The following KDM4B variants were observed in gnomAD, a reference collection of about 807,000 sequenced individuals.
KDM4B encodes lysine demethylase 4B, also known as lysine-specific demethylase 4B.
In KDM4B, 32 loss-of-function variants were observed where a neutral mutation model predicts 125.2. The observed-to-expected ratio is 0.26, with a 90% CI of 0.19 to 0.34. The LOEUF (loss-of-function observed/expected upper bound fraction) is 0.34, where lower values mean the gene tolerates loss of function less well. KDM4B is among the 10% of genes least tolerant of loss of function. The pLI, the probability that KDM4B is intolerant of heterozygous loss-of-function variation, is 1.00. For synonymous variants in KDM4B, 721 were observed against 677.9 expected (o/e 1.06, Z -0.99); for missense variants, 1,190 against 1,577.7 (o/e 0.75, Z 4.16).
At chr19:5,131,857 G>A (rs756619364) in intron 12 of KDM4B, 30 bp from the exon 13 acceptor site, 21 of 1,612,546 alleles carry the variant, frequency 1.3e-5, no homozygotes, top group Non-Finnish European at 1.7e-5. Context: ...CTGTAGCGGG[G>A]CCCTCACTAC....
chr19:5,132,039 C>T, intron 13 of KDM4B, 32 bp downstream of exon 13: 1 of 1,569,306 alleles, frequency 6.4e-7, no homozygotes, highest in Non-Finnish European at 8.6e-7. Flanking sequence ...CGGCTCTCAT[C>T]AGCCCTGCTC....
At chr19:5,023,252 G>A (rs1057432710) in intron 2 of KDM4B, among the ~76,000 whole-genome samples, 1 of 152,228 alleles carries the variant, frequency 6.6e-6, no homozygotes, top group Non-Finnish European at 1.5e-5. Context: ...GGACGAAGCA[G>A]AGAACGTTCT....
At chr19:5,145,569 C>T (rs2039827052) in intron 21 of KDM4B, among the ~76,000 whole-genome samples, 1 of 152,156 alleles carries the variant, frequency 6.6e-6, no homozygotes, top group Non-Finnish European at 1.5e-5. Flanking sequence ...GCCTGGGTGA[C>T]AGAGCGAGAC....
intron 9 of KDM4B, among the ~76,000 whole-genome samples, chr19:5,085,462 C>T (rs1333812054): frequency 1.3e-5 from 2 of 152,238 alleles, no homozygotes; most frequent in African/African-American, 2.4e-5. Context: ...GGAGCTGAAA[C>T]TGCAGCGGGG....
chr19:5,089,826 A>G lies in KDM4B; in HGVS notation c.918+7322A>G, dbSNP rs149794774. Among the ~76,000 whole-genome samples the G allele has an allele frequency of 2.5e-3, 378 of 152,218 alleles. 2 individuals are homozygous for G. The highest frequency in any genetic ancestry group is 0.017 in the Middle Eastern group (5 of 294). The stretch of plus-strand genomic sequence containing the variant: ...AGCACCCCACAGTTCCCAAGTGGAA[A>G]AGGTTTTTGTTGTTGTTGCTTCGTT... On this transcript the variant is annotated intron_variant, in intron 9 of 22. Transcript: ENST00000159111.
intron 9 of KDM4B, among the ~76,000 whole-genome samples, chr19:5,096,066 C>T (rs1363829400): frequency 6.7e-6 from 1 of 150,234 alleles, no homozygotes; most frequent in Non-Finnish European, 1.5e-5. Flanking sequence ...CACACAGGGC[C>T]GGTGTACAGT....
chr19:5,031,977 C>T (rs1366588385), intron 2 of KDM4B, among the ~76,000 whole-genome samples: 1 of 152,104 alleles, frequency 6.6e-6, no homozygotes, highest in African/African-American at 2.4e-5. Flanking sequence ...GGACTTGGGT[C>T]CTTGTTTCCG....
intron 11 of KDM4B, among the ~76,000 whole-genome samples, chr19:5,128,027 C>T (rs2146043786): frequency 6.6e-6 from 1 of 152,158 alleles, no homozygotes; most frequent in Non-Finnish European, 1.5e-5. Flanking sequence ...ACAGAGCTGC[C>T]TGTTGTGTGT....
intron 7 of KDM4B, among the ~76,000 whole-genome samples, chr19:5,073,885 C>A (rs142597592): frequency 2.0e-5 from 3 of 152,130 alleles, no homozygotes; most frequent in Non-Finnish European, 4.4e-5. Context: ...GAGAGGCTGA[C>A]GTCAGAGGAT....
At chr19:5,110,953 G>A (rs925043063) in intron 10 of KDM4B, 135 bp downstream of exon 10, 15 of 679,140 alleles carry the variant, frequency 2.2e-5, no homozygotes, top group South Asian at 1.4e-4. Context: ...TTCCCACCCC[G>A]CCTCCTCTTT....
In KDM4B at chr19:4,969,141, G is replaced by A. The variant is rs1485844898; in HGVS notation, c.-198G>A. ...GCTCGGTCGCCAGCAACCGAGCGGG[G>A]CCCGGCCCGAGCGGGGCCTGGGGGT... On this transcript the variant is annotated 5_prime_UTR_variant, in exon 1 of 23. Transcript: ENST00000159111. The A allele has an allele frequency of 6.6e-6, 1 of 151,054 alleles. No individual in the cohort carries two copies. The highest frequency in any genetic ancestry group is 1.5e-5 in the Non-Finnish European group (1 of 67,702). The allele number at this position is 151,054 out of a possible 1,614,324, so 9.4% of individuals were successfully genotyped here. A position where few individuals can be genotyped will look rare whatever the true frequency, so the allele number is the denominator to read the frequency against.
Position 5,135,396 on chromosome 19 carries a change from A to T in KDM4B, c.2143A>T (p.Thr715Ser). ...CTCCCTCGGAGAGGGCTGCCCGGCCACATTACCCTCCAAAAGCCGTCAGAA... is the reference window on the plus strand; with the variant it reads ...CTCCCTCGGAGAGGGCTGCCCGGCCTCATTACCCTCCAAAAGCCGTCAGAA... ...IASLGEGCPATLPSKSRQKTR... is the reference protein window; with the variant it reads ...IASLGEGCPASLPSKSRQKTR... Residue 715 changes from threonine to serine, a missense_variant, in exon 15 of 23, where the codon ACA becomes TCA. Physicochemically the swap from Thr to Ser is moderately conservative, Grantham distance 58. This residue lies in a region of KDM4B where 128 missense variants were observed against 137.8 expected (regional missense o/e 0.93). Transcript: ENST00000159111. 6.2e-7 allele frequency: 1 copy of T among 1,613,616 alleles called. No individual in the cohort carries two copies. The highest frequency in any genetic ancestry group is 8.5e-7 in the Non-Finnish European group (1 of 1,179,976).
At chr19:5,088,340 G>A (rs748744437) in intron 9 of KDM4B, among the ~76,000 whole-genome samples, 5 of 152,310 alleles carry the variant, frequency 3.3e-5, no homozygotes, top group East Asian at 1.9e-4. Context: ...GGAGGTGAGT[G>A]TAAAAATGCG....
At position 5,114,027 on chromosome 19, in the gene KDM4B, C is replaced by T. The variant is rs536251690; in HGVS notation, c.1115+3209C>T. 3.6e-5 allele frequency: 46 copies of T among 1,282,560 alleles called. No individual in the cohort carries two copies. In the South Asian group the frequency reaches 5.5e-4, roughly 15 times the overall value. The allele number at this position is 1,282,560 out of a possible 1,614,324, so 79.4% of individuals were successfully genotyped here. On this transcript the variant is annotated intron_variant, in intron 10 of 22. Transcript: ENST00000159111. This position sits in a 1 kb window ranked among gnomAD's most constrained non-coding sequence, Gnocchi z 5.8. Reference sequence around the variant, plus strand: ...CGTTGGGGGCTGTTTGTATTCTTCCCCCTGATGGATGGGTCGCCTAAAACT... The same window carrying T: ...CGTTGGGGGCTGTTTGTATTCTTCCTCCTGATGGATGGGTCGCCTAAAACT...
At chr19:5,069,606 T>G in intron 6 of KDM4B, among the ~76,000 whole-genome samples, 1 of 149,060 alleles carries the variant, frequency 6.7e-6, no homozygotes, top group East Asian at 2.0e-4. Context: ...GCACCCGGCC[T>G]GTTTGTTTGT....
At chr19:4,987,018 A>G (rs1250709960) in intron 1 of KDM4B, among the ~76,000 whole-genome samples, 3 of 151,502 alleles carry the variant, frequency 2.0e-5, no homozygotes, top group Admixed American at 1.3e-4. Context: ...GCGTAGTGGC[A>G]CAATCTCTCG....
chr19:5,136,134 G>A (rs1008851576), intron 15 of KDM4B, among the ~76,000 whole-genome samples: 1 of 152,224 alleles, frequency 6.6e-6, no homozygotes, highest in Non-Finnish European at 1.5e-5. Flanking sequence ...GGACAGTTCT[G>A]CCGAGTCTTC....
intron 11 of KDM4B, among the ~76,000 whole-genome samples, chr19:5,121,737 C>T (rs1011323319): frequency 3.3e-5 from 5 of 152,068 alleles, no homozygotes; most frequent in African/African-American, 7.2e-5. Context: ...AGCTCTTAAG[C>T]GGACAACTAA....
intron 1 of KDM4B, among the ~76,000 whole-genome samples, chr19:5,006,217 G>A (rs900827612): frequency 6.6e-6 from 1 of 151,820 alleles, no homozygotes; most frequent in South Asian, 2.1e-4. Flanking sequence ...CGTCTGTCCC[G>A]CCACTACTGG....
Sources: allele counts gnomAD v4.1 joint callset (sites outside exome capture counted in the v4.1 genomes callset), GRCh38; gene constraint gnomAD v4.1.1; regional missense constraint gnomAD v4.1.1; non-coding constraint Gnocchi (gnomAD v3.1); transcripts MANE v1.5; gene names NCBI Gene and HGNC (gene_info 2026-07-23, HGNC 2026-07-21).